TMEM132D: variants seen among roughly 807,000 people sequenced by gnomAD.
TMEM132D encodes the protein mature OL transmembrane protein.
Under a neutral mutation model 62.3 loss-of-function variants are expected in TMEM132D, and 21 were observed. That is an observed-to-expected ratio of 0.34 (90% CI 0.24 to 0.49). The LOEUF (loss-of-function observed/expected upper bound fraction) is 0.49, where lower values mean the gene tolerates loss of function less well. TMEM132D is among the 20% of genes least tolerant of loss of function. The pLI is 0.99. For synonymous variants in TMEM132D, 621 were observed against 575.6 expected (o/e 1.08, Z -1.13); for missense variants, 1,346 against 1,402.8 (o/e 0.96, Z 0.65).
At chr12:129,580,120 G>A (rs1468197342) in intron 2 of TMEM132D, among the ~76,000 whole-genome samples, 3 of 152,222 alleles carry the variant, frequency 2.0e-5, no homozygotes, top group African/African-American at 7.2e-5. Context: ...ACGAAAGGAA[G>A]GGAGGTTTAT....
chr12:129,340,908 C>T (rs541827837), intron 3 of TMEM132D, among the ~76,000 whole-genome samples: 1 of 152,154 alleles, frequency 6.6e-6, no homozygotes, highest in African/African-American at 2.4e-5. Flanking sequence ...GTTGTATGCG[C>T]GTGATTTTCT....
At chr12:129,321,317 A>T (rs929613231) in intron 4 of TMEM132D, among the ~76,000 whole-genome samples, 1 of 152,226 alleles carries the variant, frequency 6.6e-6, no homozygotes, top group Non-Finnish European at 1.5e-5. Context: ...TCATTGTGAC[A>T]TTATTTCACA....
At chr12:129,206,848 T>C (rs1214088973) in intron 5 of TMEM132D, among the ~76,000 whole-genome samples, 1 of 152,054 alleles carries the variant, frequency 6.6e-6, no homozygotes, top group Non-Finnish European at 1.5e-5. Flanking sequence ...AATACAGGAA[T>C]AGAAAACCAA....
At chr12:129,698,866 G>A (rs182513221) in intron 2 of TMEM132D, among the ~76,000 whole-genome samples, 3 of 151,920 alleles carry the variant, frequency 2.0e-5, no homozygotes, top group East Asian at 3.9e-4. Flanking sequence ...CATATGAAGG[G>A]GGATAGAGAG....
At chr12:129,879,553 G>C (rs1297381400) in intron 1 of TMEM132D, among the ~76,000 whole-genome samples, 1 of 152,240 alleles carries the variant, frequency 6.6e-6, no homozygotes, top group Non-Finnish European at 1.5e-5. Flanking sequence ...GTTGCAGCAG[G>C]AGGAAGAGAC....
In TMEM132D at chr12:129,371,123, C is replaced by T. The variant is rs918141132; in HGVS notation, c.1116-33306G>A. On this transcript the variant is annotated intron_variant, in intron 3 of 8. Coordinates refer to ENST00000422113, the MANE Select transcript of TMEM132D (RefSeq NM_133448.3). The surrounding 1 kb of genome is among the most constrained non-coding windows in gnomAD (Gnocchi z 4.3). ...ATCATTATATTGTTGTAGGTACCAC[C>T]AAAATATGTACAACTATGACAAATC... is the stretch of plus-strand genomic sequence containing the variant. 9.2e-5 allele frequency among the ~76,000 whole-genome samples: 14 copies of T among 152,114 alleles called. No individual in the cohort carries two copies. The highest frequency in any genetic ancestry group is 3.4e-4 in the African/African-American group (14 of 41,414).
chr12:129,581,714 G>A lies in TMEM132D; in HGVS notation c.969-50509C>T, dbSNP rs564020010. On this transcript the variant is annotated intron_variant, in intron 2 of 8. Coordinates refer to ENST00000422113, the MANE Select transcript of TMEM132D (RefSeq NM_133448.3). ...CTGATTGGATGGTGTCACCCAGACT[G>A]AGCGTGGGTCTGCCTCTCCTAGTCC... 1.4e-4 allele frequency among the ~76,000 whole-genome samples: 22 copies of A among 152,242 alleles called. No individual in the cohort carries two copies. In the East Asian group the frequency reaches 2.3e-3, roughly 16 times the overall value.
chr12:129,582,736 A>T (rs1311448574), intron 2 of TMEM132D, among the ~76,000 whole-genome samples: 1 of 150,304 alleles, frequency 6.7e-6, no homozygotes, highest in Non-Finnish European at 1.5e-5. Context: ...CTCCTGCCTC[A>T]CCTTCCCAAG....
intron 1 of TMEM132D, among the ~76,000 whole-genome samples, chr12:129,701,436 G>A (rs552056984): frequency 3.3e-5 from 5 of 152,124 alleles, no homozygotes; most frequent in South Asian, 2.1e-4. Context: ...AGGGCCGGGC[G>A]TACAAAGCAA....
chr12:129,288,651 G>T lies in TMEM132D; in HGVS notation c.1299+48983C>A, dbSNP rs149385986. Among the ~76,000 whole-genome samples, 8 of 152,268 alleles carry T rather than the reference G, an allele frequency of 5.3e-5. No homozygotes were observed. The East Asian group carries it at 1.4e-3, about 26-fold the overall frequency. The stretch of plus-strand genomic sequence containing the variant: ...AAATTTGATCCCTTGTACACTCTTG[G>T]TAAGAATGCAAAATGGTGCAGCTGC... On this transcript the variant is annotated intron_variant, in intron 4 of 8. Transcript: ENST00000422113.
chr12:129,589,979 T>C (rs561681967), intron 2 of TMEM132D, among the ~76,000 whole-genome samples: 21 of 152,242 alleles, frequency 1.4e-4, no homozygotes, highest in Non-Finnish European at 2.8e-4. Context: ...TCATGTATCT[T>C]GTTTCTACCC....
At chr12:129,338,619 G>C (rs1279731671) in intron 3 of TMEM132D, among the ~76,000 whole-genome samples, 1 of 152,166 alleles carries the variant, frequency 6.6e-6, no homozygotes, top group African/African-American at 2.4e-5. Flanking sequence ...GAAGTGACCA[G>C]GGTGTAGCTG....
chr12:129,121,834 T>C (rs1716992881), intron 5 of TMEM132D, among the ~76,000 whole-genome samples: 1 of 152,104 alleles, frequency 6.6e-6, no homozygotes, highest in Non-Finnish European at 1.5e-5. Flanking sequence ...AGAGATAAAA[T>C]AGTTTGATAT....
At chr12:129,322,387 AT>A (rs1351451501) in intron 4 of TMEM132D, among the ~76,000 whole-genome samples, 4 of 151,588 alleles carry the variant, frequency 2.6e-5, no homozygotes, top group African/African-American at 9.7e-5. Flanking sequence ...CAAAATGGCC[AT>A]GCCATGATGG....
intron 4 of TMEM132D, chr12:129,212,251 T>C (rs950968115): frequency 2.0e-5 from 3 of 152,220 alleles, no homozygotes; most frequent in Non-Finnish European, 2.9e-5. Flanking sequence ...TAAGCCCATA[T>C]GTCTGGGGTG....
chr12:129,467,821 G>C (rs1413787784), intron 3 of TMEM132D, among the ~76,000 whole-genome samples: 1 of 152,182 alleles, frequency 6.6e-6, no homozygotes, highest in Non-Finnish European at 1.5e-5. Context: ...CTAGGCAGCA[G>C]GATTCCAATT....
chr12:129,327,788 C>CA (rs1219878865), intron 4 of TMEM132D, among the ~76,000 whole-genome samples: 4 of 152,210 alleles, frequency 2.6e-5, no homozygotes, highest in Non-Finnish European at 5.9e-5. Context: ...TCTCTCCCTG[C>CA]AAATCTGATC....
Position 129,209,624 on chromosome 12 carries a change from T to C in TMEM132D, c.1339A>G (p.Thr447Ala). 6.2e-7 allele frequency: 1 copy of C among 1,614,180 alleles called. No individual in the cohort carries two copies. The highest frequency in any genetic ancestry group is 1.7e-5 in the Admixed American group (1 of 60,028). ...ACCACTTTCACCGGGACGGCCACCG[T>C]CTTCCCCGTGAGGATGGCTGTGTTC... Reference protein sequence around the residue: ...ILNTAILTGKTVAVPVKVVSV... With the variant: ...ILNTAILTGKAVAVPVKVVSV... Residue 447 changes from threonine (T) to alanine (A), a missense_variant, in exon 5 of 9, where the codon ACG becomes GCG. Coordinates refer to ENST00000422113, the MANE Select transcript of TMEM132D (RefSeq NM_133448.3).
At chr12:129,474,086 G>A (rs765265163) in intron 3 of TMEM132D, among the ~76,000 whole-genome samples, 11 of 152,064 alleles carry the variant, frequency 7.2e-5, no homozygotes, top group Non-Finnish European at 1.2e-4. Flanking sequence ...GTAACCCTTC[G>A]CCTCCGAATA....
Sources: allele counts gnomAD v4.1 joint callset (sites outside exome capture counted in the v4.1 genomes callset), GRCh38; gene constraint gnomAD v4.1.1; non-coding constraint Gnocchi (gnomAD v3.1); transcripts MANE v1.5; gene names NCBI Gene and HGNC (gene_info 2026-07-23, HGNC 2026-07-21).